GRIA4: variants seen among roughly 807,000 people sequenced by gnomAD.
GRIA4 encodes the protein glutamate receptor 4.
In GRIA4, 34 loss-of-function variants were observed where a neutral mutation model predicts 104.0. The observed-to-expected ratio is 0.33, with a 90% CI of 0.25 to 0.44. The LOEUF (loss-of-function observed/expected upper bound fraction) is 0.44. Among genes scored for constraint, GRIA4 ranks in the 20% least tolerant of loss-of-function variants. The pLI is 1.00. For synonymous variants in GRIA4, 386 were observed against 381.9 expected, an observed-to-expected ratio of 1.01 and a Z score of -0.13; for missense variants, 750 against 1,096.5, an observed-to-expected ratio of 0.68 and a Z score of 4.46.
intron 3 of GRIA4, among the ~76,000 whole-genome samples, chr11:105,668,094 G>A (rs1003994005): frequency 6.6e-6 from 1 of 151,072 alleles, no homozygotes; most frequent in Non-Finnish European, 1.5e-5. Context: ...AGATCATGCA[G>A]TATTTGTCTT....
At chr11:105,739,386 G>A (rs897536888) in intron 3 of GRIA4, among the ~76,000 whole-genome samples, 4 of 152,146 alleles carry the variant, frequency 2.6e-5, no homozygotes, top group Non-Finnish European at 4.4e-5. Context: ...CTGTACAAGT[G>A]CAGCTCATGA....
intron 5 of GRIA4, among the ~76,000 whole-genome samples, chr11:105,868,785 C>T (rs1227212116): frequency 6.6e-6 from 1 of 152,148 alleles, no homozygotes; most frequent in East Asian, 1.9e-4. Context: ...TCAGCAATTT[C>T]CCGCACTGCA....
intron 3 of GRIA4, among the ~76,000 whole-genome samples, chr11:105,694,101 T>C (rs1483826543): frequency 2.6e-5 from 4 of 152,158 alleles, no homozygotes; most frequent in African/African-American, 7.2e-5. Flanking sequence ...CCCTGTCCAA[T>C]AGAATGACCG....
At chr11:105,738,945 C>CAAAAAAAAAAAAAACA (rs5794423) in intron 3 of GRIA4, among the ~76,000 whole-genome samples, 24 of 140,138 alleles carry the variant, frequency 1.7e-4, no homozygotes, top group Non-Finnish European at 2.1e-4. Flanking sequence ...AAAAAAAAAA[C>CAAAAAAAAAAAAAACA]AAAAAAAACC....
chr11:105,683,004 TA>T (rs1290686665), intron 3 of GRIA4, among the ~76,000 whole-genome samples: 2 of 152,128 alleles, frequency 1.3e-5, no homozygotes, highest in African/African-American at 4.8e-5. Flanking sequence ...CCTCTAATAT[TA>T]ATAGTACCTC....
chr11:105,961,897 T>A (rs7125602), intron 14 of GRIA4, among the ~76,000 whole-genome samples: 8,762 of 152,208 alleles, frequency 0.058, 276 homozygotes, highest in Non-Finnish European at 0.076. Flanking sequence ...TCCTATTAAG[T>A]GAGATGGAAT....
intron 12 of GRIA4, among the ~76,000 whole-genome samples, chr11:105,925,808 T>C (rs1947688173): frequency 6.6e-6 from 1 of 152,100 alleles, no homozygotes; most frequent in African/African-American, 2.4e-5. Context: ...GTATTTTAAC[T>C]TTGGAAATGC....
At chr11:105,711,378 A>G (rs1054247550) in intron 3 of GRIA4, among the ~76,000 whole-genome samples, 1 of 152,010 alleles carries the variant, frequency 6.6e-6, no homozygotes, top group Non-Finnish European at 1.5e-5. Flanking sequence ...ATACTTATGT[A>G]ACAAACCTGC....
intron 5 of GRIA4, among the ~76,000 whole-genome samples, chr11:105,878,102 C>T (rs953531797): frequency 5.7e-4 from 87 of 152,100 alleles, no homozygotes; most frequent in African/African-American, 2.0e-3. Flanking sequence ...TCTGAGTGGA[C>T]GTCCTTTTTG....
At chr11:105,895,525 A>C (rs1946620405) in intron 6 of GRIA4, among the ~76,000 whole-genome samples, 1 of 151,820 alleles carries the variant, frequency 6.6e-6, no homozygotes, top group Non-Finnish European at 1.5e-5. Context: ...TAGATAATAG[A>C]TACATGATAG....
At chr11:105,657,125 A>G (rs372046216) in intron 3 of GRIA4, among the ~76,000 whole-genome samples, 8 of 152,048 alleles carry the variant, frequency 5.3e-5, no homozygotes, top group African/African-American at 1.9e-4. Context: ...AGAACCAAGG[A>G]AATAACATTA....
intron 6 of GRIA4, among the ~76,000 whole-genome samples, chr11:105,889,090 T>C (rs1214285097): frequency 2.0e-5 from 3 of 152,030 alleles, no homozygotes; most frequent in East Asian, 1.9e-4. Context: ...TTACAAACAA[T>C]AGAATTGAGG....
chr11:105,976,232 C>G (rs1375648169), intron 16 of GRIA4, among the ~76,000 whole-genome samples: 1 of 151,944 alleles, frequency 6.6e-6, no homozygotes, highest in Non-Finnish European at 1.5e-5. Context: ...CAAAGGCACT[C>G]CAGCCATCAT....
chr11:105,836,609 T>G (rs1281388731), intron 4 of GRIA4, among the ~76,000 whole-genome samples: 1 of 152,158 alleles, frequency 6.6e-6, no homozygotes, highest in East Asian at 1.9e-4. Context: ...TACCATCATA[T>G]TAAGTGAATT....
At chr11:105,636,032 C>G (rs953809378) in intron 3 of GRIA4, among the ~76,000 whole-genome samples, 23 of 152,176 alleles carry the variant, frequency 1.5e-4, no homozygotes, top group African/African-American at 5.5e-4. Flanking sequence ...TGCATGTGTG[C>G]TGGAAGAACT....
chr11:105,792,092 A>T (rs1047994404), intron 4 of GRIA4, among the ~76,000 whole-genome samples: 5 of 152,174 alleles, frequency 3.3e-5, no homozygotes, highest in African/African-American at 1.2e-4. Flanking sequence ...AATTTCAAGA[A>T]TGCCAAAGCA....
At chr11:105,763,522 A>G (rs1488144112) in intron 4 of GRIA4, among the ~76,000 whole-genome samples, 1 of 152,118 alleles carries the variant, frequency 6.6e-6, no homozygotes, top group Non-Finnish European at 1.5e-5. Context: ...TTTTTCCTTC[A>G]TATGATAACA....
intron 12 of GRIA4, 104 bp from the exon 13 acceptor site, chr11:105,926,637 G>T: frequency 1.4e-6 from 1 of 731,062 alleles, no homozygotes. Flanking sequence ...AACAATACTT[G>T]GCAATTGTTA....
At chr11:105,818,801 C>T (rs1394056533) in intron 4 of GRIA4, among the ~76,000 whole-genome samples, 1 of 152,130 alleles carries the variant, frequency 6.6e-6, no homozygotes, top group Non-Finnish European at 1.5e-5. Flanking sequence ...ACCTTTACTC[C>T]ATGATGCTGA....
Sources: allele counts gnomAD v4.1 joint callset (sites outside exome capture counted in the v4.1 genomes callset), GRCh38; gene constraint gnomAD v4.1.1; transcripts MANE v1.5; gene names NCBI Gene and HGNC (gene_info 2026-07-23, HGNC 2026-07-21).